EXOC6B: variants seen among roughly 807,000 people sequenced by gnomAD.
EXOC6B encodes exocyst complex component 6B, also known as SEC15 homolog B.
In EXOC6B, 54 loss-of-function variants were observed where a neutral mutation model predicts 113.5. That is an observed-to-expected ratio of 0.48 (90% CI 0.38 to 0.60). The LOEUF (loss-of-function observed/expected upper bound fraction) is 0.60, where lower values mean the gene tolerates loss of function less well. Ranked by LOEUF, EXOC6B falls within the 20% of genes least tolerant of loss-of-function variation. The pLI is 0.00. For missense variants in EXOC6B, 797 were observed against 977.5 expected, an observed-to-expected ratio of 0.82 and a Z score of 2.46; for synonymous variants, 357 against 339.0, an observed-to-expected ratio of 1.05 and a Z score of -0.58.
intron 6 of EXOC6B, among the ~76,000 whole-genome samples, chr2:72,678,652 G>A (rs1371968085): frequency 6.6e-6 from 1 of 152,180 alleles, no homozygotes; most frequent in Non-Finnish European, 1.5e-5. Flanking sequence ...GTTGCTGTGA[G>A]CCAAGATCGT....
chr2:72,811,549 C>G (rs774628108), intron 1 of EXOC6B, among the ~76,000 whole-genome samples: 1 of 152,134 alleles, frequency 6.6e-6, no homozygotes, highest in Non-Finnish European at 1.5e-5. Context: ...GAGTGAGGCG[C>G]TACTTCTCAA....
chr2:72,638,132 G>A (rs1672976294), intron 6 of EXOC6B, among the ~76,000 whole-genome samples: 1 of 152,116 alleles, frequency 6.6e-6, no homozygotes, highest in South Asian at 2.1e-4. Flanking sequence ...AAAACAGAGA[G>A]AAGGTCCAAA....
At position 72,224,992 on chromosome 2, in the gene EXOC6B, G is replaced by GTATATATATATATATATATATATA. The variant is rs1325223051; in HGVS notation, c.2197-40806_2197-40805insTATATATATATATATATATATATA. ...TACATCTCTCTCTGTATGTGTGTGT[G>GTATATATATATATATATATATATA]TGTATATATATATAAATACACATAC... On this transcript the variant is annotated intron_variant, in intron 20 of 21. Transcript: ENST00000272427. 7.6e-5 allele frequency among the ~76,000 whole-genome samples: 9 copies of GTATATATATATATATATATATATA among 118,204 alleles called. 1 individual carries two copies. The highest frequency in any genetic ancestry group is 6.1e-4 in the Admixed American group (7 of 11,408). 77.5% of individuals were successfully genotyped at this position (118,204 alleles called of 152,430 possible).
At chr2:72,230,491 A>G (rs1181869775) in intron 20 of EXOC6B, among the ~76,000 whole-genome samples, 1 of 152,202 alleles carries the variant, frequency 6.6e-6, no homozygotes, top group African/African-American at 2.4e-5. Context: ...TCTATTCTAC[A>G]GTCTCTTATA....
At chr2:72,538,552 TAAC>T (rs1702428877) in intron 8 of EXOC6B, among the ~76,000 whole-genome samples, 1 of 152,182 alleles carries the variant, frequency 6.6e-6, no homozygotes, top group South Asian at 2.1e-4. Context: ...ATCTTACACT[TAAC>T]AGCACATCTT....
intron 1 of EXOC6B, among the ~76,000 whole-genome samples, chr2:72,785,525 C>G (rs1383275079): frequency 6.6e-6 from 1 of 152,248 alleles, no homozygotes; most frequent in Non-Finnish European, 1.5e-5. Flanking sequence ...GTTCCTAAAC[C>G]TCAATTCTTG....
At chr2:72,559,592 C>T in intron 7 of EXOC6B, 71 bp from the exon 8 acceptor site, 2 of 1,260,168 alleles carry the variant, frequency 1.6e-6, no homozygotes, top group Non-Finnish European at 2.3e-6. Flanking sequence ...ATTGTTACTA[C>T]TCAAGTGTTT....
intron 6 of EXOC6B, among the ~76,000 whole-genome samples, chr2:72,682,071 C>A (rs1676748232): frequency 6.6e-6 from 1 of 150,396 alleles, no homozygotes. Flanking sequence ...ATGTCAGTTA[C>A]AATGGCTGGT....
At chr2:72,465,682 C>A (rs1698004823) in intron 17 of EXOC6B, among the ~76,000 whole-genome samples, 1 of 152,136 alleles carries the variant, frequency 6.6e-6, no homozygotes, top group Non-Finnish European at 1.5e-5. Context: ...ATTTTCAGGA[C>A]AAATGATCAT....
intron 8 of EXOC6B, among the ~76,000 whole-genome samples, chr2:72,551,880 T>C (rs886858948): frequency 2.6e-5 from 4 of 152,248 alleles, no homozygotes; most frequent in African/African-American, 9.6e-5. Context: ...TCAAAGAATG[T>C]AACTTCTCTC....
chr2:72,452,369 A>G (rs1271186553), intron 18 of EXOC6B, among the ~76,000 whole-genome samples: 2 of 152,192 alleles, frequency 1.3e-5, no homozygotes, highest in Non-Finnish European at 2.9e-5. Flanking sequence ...TCCTTCAAAT[A>G]ACATGTAACA....
At chr2:72,629,935 T>C (rs906116037) in intron 6 of EXOC6B, among the ~76,000 whole-genome samples, 4 of 152,180 alleles carry the variant, frequency 2.6e-5, no homozygotes, top group African/African-American at 9.7e-5. Flanking sequence ...CTTTGATCAC[T>C]CAAACCTGGG....
intron 11 of EXOC6B, among the ~76,000 whole-genome samples, chr2:72,505,146 G>A (rs550104303): frequency 1.8e-4 from 27 of 152,064 alleles, no homozygotes; most frequent in Admixed American, 3.3e-4. Context: ...TTAGTTTTCA[G>A]TTAAGAACTC....
chr2:72,809,578 TC>T (rs1267374461), intron 1 of EXOC6B, among the ~76,000 whole-genome samples: 3 of 149,354 alleles, frequency 2.0e-5, no homozygotes, highest in Admixed American at 6.6e-5. Context: ...AGGACAGACA[TC>T]AATAAAATTT....
At chr2:72,392,629 T>G (rs984470299) in intron 18 of EXOC6B, among the ~76,000 whole-genome samples, 1 of 152,212 alleles carries the variant, frequency 6.6e-6, no homozygotes, top group African/African-American at 2.4e-5. Context: ...TACTAGCACC[T>G]TAGAAAATTT....
At chr2:72,752,136 A>G (rs549620742) in intron 1 of EXOC6B, among the ~76,000 whole-genome samples, 67 of 152,148 alleles carry the variant, frequency 4.4e-4, no homozygotes, top group Non-Finnish European at 9.1e-4. Context: ...TAAGATGCCA[A>G]TCTCAATCCT....
At position 72,355,249 on chromosome 2, in the gene EXOC6B, G is replaced by A. The variant is rs565767745; in HGVS notation, c.2123-20229C>T. ...TCATATATATAATTGCCAACTTATT[G>A]ATTCTCCCTTGTAAATCTATACGTT... On this transcript the variant is annotated intron_variant, in intron 19 of 21. Transcript: ENST00000272427. 8.5e-5 allele frequency among the ~76,000 whole-genome samples: 13 copies of A among 152,148 alleles called. No individual in the cohort carries two copies. In the East Asian group the frequency reaches 2.5e-3, roughly 29 times the overall value.
rs371246269 is a variant in EXOC6B at position 72,264,231 on chromosome 2, A to G, written c.2196+70716T>C. On this transcript the variant is annotated intron_variant, in intron 20 of 21. Coordinates refer to ENST00000272427, the MANE Select transcript of EXOC6B (RefSeq NM_015189.3). ...ATGGGACCCAGAGTCTCTTCTTTCT[A>G]TACTCAACATTGACACTATTCCCAA... is the stretch of plus-strand genomic sequence containing the variant. 2.4e-4 allele frequency among the ~76,000 whole-genome samples: 37 copies of G among 152,230 alleles called. No homozygotes were observed. The South Asian group carries it at 5.4e-3, about 22-fold the overall frequency.
chr2:72,786,897 G>C (rs1163885276), intron 1 of EXOC6B, among the ~76,000 whole-genome samples: 1 of 152,082 alleles, frequency 6.6e-6, no homozygotes, highest in Non-Finnish European at 1.5e-5. Context: ...AACAGTGAGG[G>C]CTTAATTAGG....
Sources: allele counts gnomAD v4.1 joint callset (sites outside exome capture counted in the v4.1 genomes callset), GRCh38; gene constraint gnomAD v4.1.1; transcripts MANE v1.5; gene names NCBI Gene and HGNC (gene_info 2026-07-23, HGNC 2026-07-21).